BCR: variants seen among roughly 807,000 people sequenced by gnomAD.
The protein encoded by BCR is breakpoint cluster region protein.
BCR carries 58 observed loss-of-function variants against 138.6 expected under a neutral mutation model. The observed-to-expected ratio is 0.42, with a 90% CI of 0.34 to 0.52. The LOEUF is 0.52. Among genes scored for constraint, BCR ranks in the 20% least tolerant of loss-of-function variants. The pLI is 0.06. For synonymous variants in BCR, 786 were observed against 730.1 expected, an observed-to-expected ratio of 1.08 and a Z score of -1.23; for missense variants, 1,599 against 1,727.2, an observed-to-expected ratio of 0.93 and a Z score of 1.32.
rs974998720 is a variant in BCR, at chr22:23,181,574, G to T, written c.614G>T (p.Ser205Ile). The T allele has an allele frequency of 1.2e-6, 2 of 1,612,914 alleles. No homozygotes were observed. The highest frequency in any genetic ancestry group is 1.7e-5 in the Admixed American group (1 of 60,038). Reference protein sequence around the residue: ...EVSDRISSLGSQAMQMERKKS... With the variant: ...EVSDRISSLGIQAMQMERKKS... ...TCGGACCGCATCAGCTCCCTGGGCA[G>T]CCAGGCCATGCAGATGGAGCGCAAA... Residue 205 changes from serine to isoleucine, a missense_variant, in exon 1 of 23, where the codon AGC (serine) becomes ATC (isoleucine). Coordinates refer to ENST00000305877, the MANE Select transcript of BCR (RefSeq NM_004327.4).
At chr22:23,245,046 G>C (rs562604041) in intron 1 of BCR, among the ~76,000 whole-genome samples, 1 of 152,190 alleles carries the variant, frequency 6.6e-6, no homozygotes, top group Non-Finnish European at 1.5e-5. Flanking sequence ...GCTTGTGGAG[G>C]AAAACGGCTG....
chr22:23,254,013 G>A (rs1229201009), intron 2 of BCR, 33 bp downstream of exon 2: 2 of 1,581,360 alleles, frequency 1.3e-6, no homozygotes, highest in East Asian at 4.5e-5. Context: ...TGGCAGGAGG[G>A]CCAGGTGAGG....
chr22:23,297,238 C>CTTTT (rs2073857111), intron 16 of BCR, among the ~76,000 whole-genome samples: 1 of 103,180 alleles, frequency 9.7e-6, no homozygotes. Flanking sequence ...TTTTTTTTTT[C>CTTTT]GAGACAGAGT....
intron 4 of BCR, chr22:23,263,541 T>C (rs553172346): frequency 7.7e-5 from 122 of 1,575,572 alleles, no homozygotes; most frequent in Non-Finnish European, 1.0e-4. Flanking sequence ...CATCCTGGCC[T>C]ACCAGTTCCG....
intron 4 of BCR, 36 bp downstream of exon 4, chr22:23,261,576 G>A (rs749727268): frequency 2.7e-5 from 43 of 1,600,292 alleles, no homozygotes; most frequent in Admixed American, 2.2e-4. Context: ...GACTACAGGC[G>A]TGTACCACCA....
rs73388584 is a variant in BCR at position 23,294,441 on chromosome 22, G to A, written c.2881-583G>A. Among the ~76,000 whole-genome samples, 399 of 152,306 alleles carry A rather than the reference G, an allele frequency of 2.6e-3. 2 individuals are homozygous for A. The highest frequency in any genetic ancestry group is 8.8e-3 in the African/African-American group (367 of 41,572). ...TTTGAGGGAGAGTCTCACACTGTTG[G>A]CCAGCCTGGAATGCAGTGGCATGAT... On this transcript the variant is annotated intron_variant, in intron 15 of 22. Coordinates refer to ENST00000305877, the MANE Select transcript of BCR (RefSeq NM_004327.4).
At chr22:23,222,340 G>A (rs759130341) in intron 1 of BCR, among the ~76,000 whole-genome samples, 9 of 152,210 alleles carry the variant, frequency 5.9e-5, no homozygotes, top group Non-Finnish European at 1.3e-4. Flanking sequence ...AAAACTGTCT[G>A]ATTCCGGCCG....
chr22:23,274,423 G>T (rs766513140), intron 8 of BCR, among the ~76,000 whole-genome samples: 1 of 152,218 alleles, frequency 6.6e-6, no homozygotes, highest in African/African-American at 2.4e-5. Flanking sequence ...GCATTCCCAG[G>T]CAGGTAGCAG....
intron 16 of BCR, among the ~76,000 whole-genome samples, chr22:23,301,562 C>G (rs1322997238): frequency 6.6e-6 from 1 of 152,238 alleles, no homozygotes; most frequent in Non-Finnish European, 1.5e-5. Context: ...CCTGAAGATA[C>G]AGATTCAATG....
chr22:23,264,592 G>T, intron 4 of BCR: 1 of 391,604 alleles, frequency 2.6e-6, no homozygotes. Flanking sequence ...CTGCTTTAGA[G>T]GAGTGCAGCT....
At chr22:23,279,054 G>T (rs759005566) in intron 8 of BCR, among the ~76,000 whole-genome samples, 35 of 152,250 alleles carry the variant, frequency 2.3e-4, no homozygotes, top group Non-Finnish European at 4.1e-4. Context: ...GGTGGAGCTG[G>T]AGCCTGCTGC....
intron 20 of BCR, 26 bp downstream of exon 20, chr22:23,313,047 T>C (rs1423911450): frequency 1.9e-6 from 3 of 1,547,554 alleles, no homozygotes; most frequent in Non-Finnish European, 1.7e-6. Flanking sequence ...CTTGGCCTCA[T>C]GGGAGACGTC....
chr22:23,281,842 G>A (rs2073649306), intron 8 of BCR, among the ~76,000 whole-genome samples: 1 of 152,250 alleles, frequency 6.6e-6, no homozygotes, highest in Admixed American at 6.5e-5. Context: ...GCATGTGGGT[G>A]CTACAGGTCC....
rs112748452 is a variant in BCR at position 23,225,636 on chromosome 22, GAC to G, written c.1280-28160_1280-28159del. Among the ~76,000 whole-genome samples, 765 of 152,350 alleles carry G rather than the reference GAC, an allele frequency of 5.0e-3. 9 individuals are homozygous for G. Among genetic ancestry groups the G allele is most frequent in the African/African-American group, 0.018 (736 of 41,584 alleles). On this transcript the variant is annotated intron_variant, in intron 1 of 22. Coordinates refer to ENST00000305877, the MANE Select transcript of BCR (RefSeq NM_004327.4). ...CTTTACCTCTAGTTTATATCCCACTGACACCGAGGTTTATTCGCAATGCACTT... is the reference window on the plus strand; with the variant it reads ...CTTTACCTCTAGTTTATATCCCACTGACCGAGGTTTATTCGCAATGCACTT...
chr22:23,235,332 G>A (rs925086442), intron 1 of BCR, among the ~76,000 whole-genome samples: 1 of 144,276 alleles, frequency 6.9e-6, no homozygotes, highest in African/African-American at 2.4e-5. Context: ...CGCCTGCCTT[G>A]GCATCCCAAA....
rs551019913 is a variant in BCR, at chr22:23,262,881, G to C, written c.1752+1341G>C. The C allele has an allele frequency of 5.7e-5, 60 of 1,061,304 alleles. 1 individual carries two copies. In the South Asian group the frequency reaches 2.0e-3, roughly 36 times the overall value. The allele number at this position is 1,061,304 out of a possible 1,614,324, so 65.7% of individuals were successfully genotyped here. On this transcript the variant is annotated intron_variant, in intron 4 of 22. Coordinates refer to ENST00000305877, the MANE Select transcript of BCR (RefSeq NM_004327.4). ...GGCCGCAGACGGCGAAGGAGGCAGC[G>C]GGCCGGGGGCTGAGGCGGGAGCGAG...
intron 1 of BCR, among the ~76,000 whole-genome samples, chr22:23,204,079 T>C (rs890183029): frequency 1.3e-5 from 2 of 152,170 alleles, no homozygotes; most frequent in Non-Finnish European, 2.9e-5. Context: ...CATGGTGTCA[T>C]GGGCTTGGGG....
At chr22:23,254,782 T>C (rs2073274288) in intron 2 of BCR, among the ~76,000 whole-genome samples, 1 of 152,180 alleles carries the variant, frequency 6.6e-6, no homozygotes, top group South Asian at 2.1e-4. Context: ...GCTGAGAAAA[T>C]CACTGCCCCA....
intron 21 of BCR, among the ~76,000 whole-genome samples, chr22:23,314,348 T>G (rs567725756): frequency 6.6e-6 from 1 of 152,074 alleles, no homozygotes; most frequent in Non-Finnish European, 1.5e-5. Flanking sequence ...CCGAGTCACA[T>G]CAAGTAGGAG....
Sources: gnomAD v4.1 joint callset for allele counts (sites outside exome capture counted in the v4.1 genomes callset) on GRCh38, gnomAD v4.1.1 for gene constraint, MANE v1.5 for transcripts, NCBI Gene and HGNC (gene_info 2026-07-23, HGNC 2026-07-21) for gene names.